TNIP3: variants seen among roughly 807,000 people sequenced by gnomAD.
The protein encoded by TNIP3 is TNFAIP3 interacting protein 3.
TNIP3 carries 34 observed loss-of-function variants against 54.1 expected under a neutral mutation model. The ratio of observed to expected loss-of-function variants is 0.63; its 90% confidence interval spans 0.48 to 0.84. The LOEUF (loss-of-function observed/expected upper bound fraction) is 0.84, where lower values mean the gene tolerates loss of function less well. Ranked by LOEUF, TNIP3 falls within the 40% of genes least tolerant of loss-of-function variation. TNIP3 has a pLI of 0.00. For synonymous variants in TNIP3, 134 were observed against 136.8 expected (o/e 0.98, Z 0.14); for missense variants, 366 against 387.6 (o/e 0.94, Z 0.47).
chr4:121,136,984 C>G (rs549307360), intron 10 of TNIP3, among the ~76,000 whole-genome samples: 2 of 151,774 alleles, frequency 1.3e-5, no homozygotes, highest in East Asian at 3.9e-4. Context: ...TTTTTCCTAG[C>G]TAGACAAAAA....
At chr4:121,139,440 T>C (rs1181122981) in intron 9 of TNIP3, among the ~76,000 whole-genome samples, 2 of 152,216 alleles carry the variant, frequency 1.3e-5, no homozygotes, top group East Asian at 3.8e-4. Flanking sequence ...CAATCTCAGC[T>C]TTACCTGCCC....
upstream of TNIP3, among the ~76,000 whole-genome samples, chr4:121,168,077 C>T (rs1730862301): frequency 6.6e-6 from 1 of 152,146 alleles, no homozygotes; most frequent in Non-Finnish European, 1.5e-5. Context: ...TGCATCCAAT[C>T]TATCTGAACA....
intron 3 of TNIP3, among the ~76,000 whole-genome samples, chr4:121,178,628 G>A (rs1332840433): frequency 6.6e-6 from 1 of 152,168 alleles, no homozygotes; most frequent in African/African-American, 2.4e-5. Flanking sequence ...ACCAGGATGG[G>A]TAAGACCAAA....
chr4:121,213,013 A>G (rs946569630), intron 2 of TNIP3, among the ~76,000 whole-genome samples: 2 of 152,240 alleles, frequency 1.3e-5, no homozygotes, highest in Non-Finnish European at 2.9e-5. Context: ...GACTTTTAAT[A>G]GCCAGCAGCT....
chr4:121,173,681 C>T (rs1454869831), intron 3 of TNIP3, among the ~76,000 whole-genome samples: 2 of 152,062 alleles, frequency 1.3e-5, no homozygotes, highest in Non-Finnish European at 2.9e-5. Context: ...CAGGCTGGAG[C>T]GCAATGGTGA....
chr4:121,166,540 T>C (rs563447588), upstream of TNIP3, among the ~76,000 whole-genome samples: 1 of 152,348 alleles, frequency 6.6e-6, no homozygotes, highest in South Asian at 2.1e-4. Context: ...TCCAAGGCTG[T>C]TGTGAAGAGT....
At position 121,164,262 on chromosome 4, in the gene TNIP3, C is replaced by T; in HGVS notation, c.-137G>A. On this transcript the variant is annotated 5_prime_UTR_variant, in exon 1 of 11. Transcript: ENST00000057513. The stretch of plus-strand genomic sequence containing the variant: ...ACCGTTAACTCATAATAGAAAATAA[C>T]AGCAATAGGTTTTCATTAAAAATGA... 6.8e-7 allele frequency: 1 copy of T among 1,472,234 alleles called. No homozygotes were observed. Among genetic ancestry groups the T allele is most frequent in the Non-Finnish European group, 9.0e-7 (1 of 1,115,060 alleles). The allele number at this position is 1,472,234 out of a possible 1,614,324, so 91.2% of individuals were successfully genotyped here. A position where few individuals can be genotyped will look rare whatever the true frequency, so the allele number is the denominator to read the frequency against.
upstream of TNIP3, among the ~76,000 whole-genome samples, chr4:121,221,377 G>A (rs1433105026): frequency 6.6e-6 from 1 of 151,972 alleles, no homozygotes; most frequent in Non-Finnish European, 1.5e-5. Flanking sequence ...CTAGAAACAG[G>A]AACAGTAAAG....
At chr4:121,132,892 G>A (rs894748005) in intron 10 of TNIP3, among the ~76,000 whole-genome samples, 10 of 152,000 alleles carry the variant, frequency 6.6e-5, no homozygotes, top group East Asian at 3.9e-4. Context: ...TTGTGGCCTC[G>A]TTCTAATTAT....
At chr4:121,180,680 T>C (rs1724640261) in intron 3 of TNIP3, among the ~76,000 whole-genome samples, 1 of 152,094 alleles carries the variant, frequency 6.6e-6, no homozygotes, top group African/African-American at 2.4e-5. Context: ...TGGTACATAT[T>C]TTGAGCTGGT....
chr4:121,132,270 C>T lies in TNIP3; in HGVS notation c.*361G>A. The T allele has an allele frequency of 9.0e-6, 2 of 223,406 alleles. 1 individual carries two copies. The highest frequency in any genetic ancestry group is 1.9e-4 in the South Asian group (2 of 10,568). 13.8% of individuals were successfully genotyped at this position (223,406 alleles called of 1,614,324 possible). A position where few individuals can be genotyped will look rare whatever the true frequency, so the allele number is the denominator to read the frequency against. On this transcript the variant is annotated 3_prime_UTR_variant, in exon 11 of 11. Coordinates refer to ENST00000057513, the MANE Select transcript of TNIP3 (RefSeq NM_024873.6). Reference sequence around the variant, plus strand: ...CACACACATATGCACTTTAAATCAACATACAATATCCCTGCAGCAAACACT... The same window carrying T: ...CACACACATATGCACTTTAAATCAATATACAATATCCCTGCAGCAAACACT...
chr4:121,205,890 T>C (rs1020814413), intron 2 of TNIP3, among the ~76,000 whole-genome samples: 1 of 152,142 alleles, frequency 6.6e-6, no homozygotes, highest in Non-Finnish European at 1.5e-5. Flanking sequence ...TCTGCATGGC[T>C]GGAAAGGCCT....
chr4:121,222,373 A>G (rs1488841810), intron 1 of TNIP3, among the ~76,000 whole-genome samples: 1 of 152,198 alleles, frequency 6.6e-6, no homozygotes, highest in Non-Finnish European at 1.5e-5. Context: ...TCAAACGTGT[A>G]TTGGAAGGAT....
intron 6 of TNIP3, among the ~76,000 whole-genome samples, chr4:121,148,161 C>A (rs913475606): frequency 5.9e-5 from 9 of 152,168 alleles, no homozygotes; most frequent in Non-Finnish European, 1.0e-4. Context: ...TAAACACTGG[C>A]AACATCATCA....
At chr4:121,143,986 G>T (rs1217235851) in intron 7 of TNIP3, among the ~76,000 whole-genome samples, 1 of 152,076 alleles carries the variant, frequency 6.6e-6, no homozygotes, top group Non-Finnish European at 1.5e-5. Context: ...ATCACAAAAA[G>T]AACACTAGGA....
intron 1 of TNIP3, among the ~76,000 whole-genome samples, chr4:121,222,229 G>A (rs555913118): frequency 1.6e-4 from 24 of 152,270 alleles, no homozygotes; most frequent in African/African-American, 5.1e-4. Flanking sequence ...TCCATAGAAT[G>A]TTCCTTCATT....
In TNIP3 at chr4:121,138,675, G is replaced by C; in HGVS notation, c.895C>G (p.Gln299Glu). ...QKQREHPPDY[Q>E]WYALDQLPPD... is the part of the protein sequence containing the mutation. ...GGAAGCTGGTCAAGAGCATACCACT[G>C]ATAGTCTGGCTGTGTGGAACAATAC... The change falls in exon 10 of 11, where the codon CAG becomes GAG. Residue 299 changes from glutamine to glutamate, a missense_variant. Coordinates refer to ENST00000057513, the MANE Select transcript of TNIP3 (RefSeq NM_024873.6). 6.2e-7 allele frequency: 1 copy of C among 1,613,820 alleles called. No individual in the cohort carries two copies. The highest frequency in any genetic ancestry group is 8.5e-7 in the Non-Finnish European group (1 of 1,179,726).
In TNIP3 at chr4:121,132,391, A is replaced by T; in HGVS notation, c.*240T>A. On this transcript the variant is annotated 3_prime_UTR_variant, in exon 11 of 11. Transcript: ENST00000057513. ...GTGCATCATCCATCTGCCAAGTCTC[A>T]TTTCAAGGAAACTGGAAGTTGTATT... 2.2e-6 allele frequency: 1 copy of T among 450,118 alleles called. No homozygotes were observed. Among genetic ancestry groups the T allele is most frequent in the Non-Finnish European group, 3.9e-6 (1 of 253,534 alleles). 27.9% of individuals were successfully genotyped at this position (450,118 alleles called of 1,614,324 possible).
At chr4:121,151,242 A>C (rs1729731150) in intron 5 of TNIP3, among the ~76,000 whole-genome samples, 1 of 152,194 alleles carries the variant, frequency 6.6e-6, no homozygotes, top group South Asian at 2.1e-4. Context: ...GAGATCTAAG[A>C]ATAATTTGCT....
Sources: allele counts gnomAD v4.1 joint callset (sites outside exome capture counted in the v4.1 genomes callset), GRCh38; gene constraint gnomAD v4.1.1; transcripts MANE v1.5; gene names NCBI Gene and HGNC (gene_info 2026-07-23, HGNC 2026-07-21).